Variants in SLC35F4 observed in about 807,000 individuals in gnomAD.
SLC35F4 encodes the protein chromosome 14 open reading frame 36.
In SLC35F4, 24 loss-of-function variants were observed where a neutral mutation model predicts 44.2. That is an observed-to-expected ratio of 0.54 (90% CI 0.39 to 0.76). The LOEUF (loss-of-function observed/expected upper bound fraction) is 0.76, where lower values mean the gene tolerates loss of function less well. Among genes scored for constraint, SLC35F4 ranks in the 30% least tolerant of loss-of-function variants. The probability of loss-of-function intolerance (pLI) is 0.00; values close to 1 mark genes in which losing one functional copy is unlikely to be tolerated. For missense variants in SLC35F4, 562 were observed against 586.1 expected (o/e 0.96, Z 0.42); for synonymous variants, 238 against 223.6 (o/e 1.06, Z -0.57).
intron 3 of SLC35F4, among the ~76,000 whole-genome samples, chr14:57,585,310 T>A (rs2069623286): frequency 6.6e-6 from 1 of 152,166 alleles, no homozygotes; most frequent in Non-Finnish European, 1.5e-5. Context: ...CTAAAAGTTC[T>A]TAAACTAGGT....
At chr14:57,934,622 G>A (rs1220759852) in intron 1 of SLC35F4, among the ~76,000 whole-genome samples, 1 of 151,952 alleles carries the variant, frequency 6.6e-6, no homozygotes, top group Non-Finnish European at 1.5e-5. Context: ...AGGCTGCATA[G>A]AGTCAGGCAT....
intron 1 of SLC35F4, among the ~76,000 whole-genome samples, chr14:57,977,172 T>G (rs1368673968): frequency 6.6e-6 from 1 of 152,030 alleles, no homozygotes; most frequent in African/African-American, 2.4e-5. Flanking sequence ...AAAGATATAG[T>G]GCTTAGGGGA....
intron 1 of SLC35F4, among the ~76,000 whole-genome samples, chr14:57,836,886 T>C (rs1884988371): frequency 6.6e-6 from 1 of 152,194 alleles, no homozygotes; most frequent in African/African-American, 2.4e-5. Flanking sequence ...CCTAAAAAAA[T>C]TAATAACAAT....
At chr14:57,798,505 G>C (rs182523451) in intron 1 of SLC35F4, among the ~76,000 whole-genome samples, 88 of 152,270 alleles carry the variant, frequency 5.8e-4, no homozygotes, top group African/African-American at 2.0e-3. Context: ...AAACAATTCT[G>C]AAACTTCCTT....
In SLC35F4 at chr14:57,581,422, C is replaced by A. The variant is rs373752532; in HGVS notation, c.599G>T (p.Arg200Leu). 6.2e-7 allele frequency: 1 copy of A among 1,609,472 alleles called. No homozygotes were observed. The highest frequency in any genetic ancestry group is 8.5e-7 in the Non-Finnish European group (1 of 1,177,782). ...CGTCAGACCATCTTCACCAAAAATC[C>A]GACTGCATTCCCTAGGAAAGAAAAG... Reference protein sequence around the residue: ...SPMKKFRECSRIFGEDGLTLK... With the variant: ...SPMKKFRECSLIFGEDGLTLK... The change falls in exon 4 of 8, where the codon CGG becomes CTG. Residue 200 changes from arginine to leucine, a missense_variant. Physicochemically the swap from Arg to Leu is moderately radical, Grantham distance 102. Coordinates refer to ENST00000556826, the MANE Select transcript of SLC35F4 (RefSeq NM_001306087.2).
chr14:57,844,351 G>C (rs1218996017), intron 1 of SLC35F4, among the ~76,000 whole-genome samples: 3 of 152,158 alleles, frequency 2.0e-5, no homozygotes, highest in African/African-American at 7.2e-5. Flanking sequence ...AATAACACGG[G>C]GCAAGACTGT....
At chr14:57,598,052 C>T (rs1344958777) in intron 1 of SLC35F4, among the ~76,000 whole-genome samples, 1 of 152,180 alleles carries the variant, frequency 6.6e-6, no homozygotes, top group African/African-American at 2.4e-5. Flanking sequence ...TTTTTAGGAG[C>T]TTAGCGACCT....
chr14:57,637,454 T>A (rs1291934322), intron 1 of SLC35F4, among the ~76,000 whole-genome samples: 2 of 152,086 alleles, frequency 1.3e-5, no homozygotes, highest in Non-Finnish European at 2.9e-5. Context: ...AGCGCCCAGC[T>A]CCCTGGCCCT....
chr14:57,760,682 T>G (rs1354448257), intron 1 of SLC35F4, among the ~76,000 whole-genome samples: 4 of 152,224 alleles, frequency 2.6e-5, no homozygotes, highest in African/African-American at 9.6e-5. Context: ...TAGCATTTAG[T>G]GAAGCAATAA....
chr14:57,831,687 A>G (rs1052953818), intron 1 of SLC35F4, among the ~76,000 whole-genome samples: 4 of 152,190 alleles, frequency 2.6e-5, no homozygotes, highest in Non-Finnish European at 4.4e-5. Context: ...CAGTAATTTA[A>G]AGAGTGAAAA....
intron 1 of SLC35F4, among the ~76,000 whole-genome samples, chr14:57,677,271 T>A (rs74201526): frequency 0.15 from 22,659 of 151,746 alleles, 1,904 homozygotes; most frequent in East Asian, 0.29. Context: ...ATGTTGGGAA[T>A]GGGGAAAGAG....
chr14:57,708,576 A>T (rs2075734986), intron 1 of SLC35F4, among the ~76,000 whole-genome samples: 1 of 152,232 alleles, frequency 6.6e-6, no homozygotes, highest in South Asian at 2.1e-4. Flanking sequence ...AGGTGTTCTC[A>T]GTTGCAGATG....
At chr14:57,672,310 G>A (rs59692878) in intron 1 of SLC35F4, among the ~76,000 whole-genome samples, 35,503 of 151,814 alleles carry the variant, frequency 0.23, 4,206 homozygotes, top group South Asian at 0.3. Flanking sequence ...CCCTAGACAC[G>A]GGGCACTATA....
intron 1 of SLC35F4, among the ~76,000 whole-genome samples, chr14:57,875,801 G>A (rs756070320): frequency 1.3e-5 from 2 of 152,184 alleles, no homozygotes; most frequent in Non-Finnish European, 2.9e-5. Context: ...CTGCCTCGTG[G>A]TGAGATTGCT....
At chr14:57,705,571 G>A (rs946872119) in intron 1 of SLC35F4, among the ~76,000 whole-genome samples, 5 of 152,126 alleles carry the variant, frequency 3.3e-5, no homozygotes, top group South Asian at 2.1e-4. Flanking sequence ...AAGCAGGTAT[G>A]TTCCTCCATG....
intron 1 of SLC35F4, among the ~76,000 whole-genome samples, chr14:57,849,316 C>G (rs1390083479): frequency 6.6e-6 from 1 of 152,144 alleles, no homozygotes; most frequent in Non-Finnish European, 1.5e-5. Context: ...CATGCGCCAC[C>G]ATGCCCAGCT....
intron 1 of SLC35F4, among the ~76,000 whole-genome samples, chr14:57,800,380 A>C (rs1251212944): frequency 6.6e-6 from 1 of 152,216 alleles, no homozygotes; most frequent in Non-Finnish European, 1.5e-5. Context: ...TCAAAGACTG[A>C]AGGCAGCTAA....
chr14:57,958,469 A>T (rs958555520), intron 1 of SLC35F4, among the ~76,000 whole-genome samples: 6 of 150,628 alleles, frequency 4.0e-5, no homozygotes, highest in African/African-American at 5.0e-5. Context: ...AGAGATGCAA[A>T]GTAGATTAGT....
chr14:57,956,202 T>C (rs928759008), intron 1 of SLC35F4, among the ~76,000 whole-genome samples: 28 of 152,200 alleles, frequency 1.8e-4, no homozygotes, highest in African/African-American at 6.8e-4. Context: ...GCATTCCCTA[T>C]TTAATAAATG....
Sources: allele counts gnomAD v4.1 joint callset (sites outside exome capture counted in the v4.1 genomes callset), GRCh38; gene constraint gnomAD v4.1.1; transcripts MANE v1.5; gene names NCBI Gene and HGNC (gene_info 2026-07-23, HGNC 2026-07-21).